Variants in NOA1 observed in about 807,000 individuals in gnomAD.
NOA1 encodes nitric oxide-associated protein 1.
NOA1 carries 35 observed loss-of-function variants against 58.4 expected under a neutral mutation model. The observed-to-expected ratio is 0.60, with a 90% CI of 0.46 to 0.79. The LOEUF is 0.79. Among genes scored for constraint, NOA1 ranks in the 30% least tolerant of loss-of-function variants. The pLI, the probability that NOA1 is intolerant of heterozygous loss-of-function variation, is 0.00. For synonymous variants in NOA1, 397 were observed against 373.4 expected (o/e 1.06, Z -0.73); for missense variants, 895 against 894.6 (o/e 1.00, Z -0.01).
Position 56,973,951 on chromosome 4 carries a change from T to C in NOA1, c.1216A>G (p.Arg406Gly), listed in dbSNP as rs374191085. The C allele has an allele frequency of 6.2e-7, 1 of 1,614,098 alleles. No individual in the cohort carries two copies. The highest frequency in any genetic ancestry group is 8.5e-7 in the Non-Finnish European group (1 of 1,179,934). The change falls in exon 2 of 7, where the codon AGA becomes GGA. Residue 406 changes from arginine (R) to glycine (G), a missense_variant. Transcript: ENST00000264230. ...GCTTGAGTTGAATCTTTTTTAAGTCTTTGATGCCTTTTAAACATTCTGTAA... is the reference window on the plus strand; with the variant it reads ...GCTTGAGTTGAATCTTTTTTAAGTCCTTGATGCCTTTTAAACATTCTGTAA... Reference protein sequence around the residue: ...TPYRMFKRHQRLKKDSTQAEE... With the variant: ...TPYRMFKRHQGLKKDSTQAEE...
At chr4:56,965,693 GGTGTGT>G (rs10548713) in intron 5 of NOA1, among the ~76,000 whole-genome samples, 9,428 of 149,064 alleles carry the variant, frequency 0.063, 330 homozygotes, top group Middle Eastern at 0.097. Flanking sequence ...TCCAAAGTAT[GGTGTGT>G]GTGTGTGTGT....
rs201910058 is a variant in NOA1, at chr4:56,963,538, C to A, written c.2009G>T (p.Arg670Leu). 5 of 1,613,978 alleles carry A rather than the reference C, an allele frequency of 3.1e-6. No individual in the cohort carries two copies. Among genetic ancestry groups the A allele is most frequent in the Non-Finnish European group, 4.2e-6 (5 of 1,179,990 alleles). Reference sequence around the variant, plus strand: ...TTTATAGGCCACACTTTTCTTGATGCGCTGTCCTTTGATGTTAACAATATA... The same window carrying A: ...TTTATAGGCCACACTTTTCTTGATGAGCTGTCCTTTGATGTTAACAATATA... ...LPYIVNIKGQRIKKSVAYKTK... is the reference protein window; with the variant it reads ...LPYIVNIKGQLIKKSVAYKTK... The change falls in exon 7 of 7, where the codon CGC (arginine) becomes CTC (leucine). Residue 670 changes from arginine to leucine, a missense_variant. By Grantham distance (102) the Arg-to-Leu change is moderately radical. Coordinates refer to ENST00000264230, the MANE Select transcript of NOA1 (RefSeq NM_032313.4).
In NOA1 at chr4:56,977,454, G is replaced by A. The variant is rs1721973825; in HGVS notation, c.132C>T (p.His44=). ...GAAGCTCGCGTCCCAGACTCGATGA[G>A]TGCTGGAAGGAGGAGGCGGCAGCGC... is the stretch of plus-strand genomic sequence containing the variant. The part of the protein sequence containing the change: ...RRCAAASSFQ[H]SSSLGRELPY... The change falls in exon 1 of 7, where the codon CAC becomes CAT. Residue 44 remains histidine (H), a synonymous_variant. Transcript: ENST00000264230. 9.3e-6 allele frequency: 15 copies of A among 1,614,174 alleles called. No homozygotes were observed. The highest frequency in any genetic ancestry group is 2.2e-5 in the East Asian group (1 of 44,888).
Position 56,963,362 on chromosome 4 carries a change from C to A in NOA1, c.*88G>T. The A allele has an allele frequency of 9.3e-7, 1 of 1,080,860 alleles. No homozygotes were observed. The highest frequency in any genetic ancestry group is 1.4e-6 in the Non-Finnish European group (1 of 730,254). The allele number at this position is 1,080,860 out of a possible 1,614,324, so 67.0% of individuals were successfully genotyped here. On this transcript the variant is annotated 3_prime_UTR_variant, in exon 7 of 7. Transcript: ENST00000264230. Reference sequence around the variant, plus strand: ...AAGAAAAAAAGGGTAAGAATGGGAGCTTTATTTATGCGTTATATGTTTAAT... The same window carrying A: ...AAGAAAAAAAGGGTAAGAATGGGAGATTTATTTATGCGTTATATGTTTAAT...
At position 56,977,523 on chromosome 4, in the gene NOA1, C is replaced by T. The variant is rs1721976881; in HGVS notation, c.63G>A (p.Thr21=). The change falls in exon 1 of 7, where the codon ACG becomes ACA. Residue 21 remains threonine (T), a synonymous_variant. Transcript: ENST00000264230. ...LSLFLRGSAP[T]AARHGLREPL... is the part of the protein sequence containing the mutation. ...GCTCCCGGAGGCCATGGCGCGCTGC[C>T]GTGGGAGCGGATCCACGAAGGAAAA... 3.1e-6 allele frequency: 5 copies of T among 1,612,796 alleles called. No homozygotes were observed. Among genetic ancestry groups the T allele is most frequent in the Middle Eastern group, 3.3e-4 (2 of 6,080 alleles).
In NOA1 at chr4:56,977,052, C is replaced by A; in HGVS notation, c.534G>T (p.Val178=). 1 of 1,583,514 alleles carries A rather than the reference C, an allele frequency of 6.3e-7. No individual in the cohort carries two copies. Among genetic ancestry groups the A allele is most frequent in the Non-Finnish European group, 8.5e-7 (1 of 1,170,254 alleles). ...AEADGGLART[V]CQRCWLLSHH... is the part of the protein sequence containing the mutation. ...GCGACAGCAGCCAGCAGCGCTGGCA[C>A]ACGGTCCGTGCCAGCCCGCCGTCTG... The change falls in exon 1 of 7, where the codon GTG becomes GTT. Residue 178 remains valine (V), a synonymous_variant. Transcript: ENST00000264230.
chr4:56,966,276 T>G (rs1185329034), intron 5 of NOA1, among the ~76,000 whole-genome samples: 1 of 152,096 alleles, frequency 6.6e-6, no homozygotes, highest in Non-Finnish European at 1.5e-5. Flanking sequence ...CCATCTGCCT[T>G]GGCCTCCCAA....
At chr4:56,973,406 C>A in intron 2 of NOA1, 53 bp from the exon 3 acceptor site, 1 of 1,403,786 alleles carries the variant, frequency 7.1e-7, no homozygotes, top group Admixed American at 1.7e-5. Context: ...CTTTTAACTC[C>A]AGACATAATT....
chr4:56,976,911 G>T lies in NOA1; in HGVS notation c.675C>A (p.Asp225Glu). ...SLVLYMVDLL[D>E]LPDALLPDLP... ...AGTCGGGCAGCAGGGCGTCGGGCAGGTCCAGCAGGTCCACCATGTAGAGCA... is the reference window on the plus strand; with the variant it reads ...AGTCGGGCAGCAGGGCGTCGGGCAGTTCCAGCAGGTCCACCATGTAGAGCA... Residue 225 changes from aspartate (D) to glutamate (E), a missense_variant, in exon 1 of 7, where the codon GAC becomes GAA. By Grantham distance (45) the Asp-to-Glu change is conservative (BLOSUM62 2). Transcript: ENST00000264230. 4.3e-6 allele frequency: 7 copies of T among 1,611,706 alleles called. No individual in the cohort carries two copies. Among genetic ancestry groups the T allele is most frequent in the Non-Finnish European group, 5.9e-6 (7 of 1,179,790 alleles).
At chr4:56,964,050 AAGGCT>A (rs1721654891) in intron 6 of NOA1, among the ~76,000 whole-genome samples, 1 of 151,896 alleles carries the variant, frequency 6.6e-6, no homozygotes, top group African/African-American at 2.4e-5. Context: ...AATTGTCGGT[AAGGCT>A]GCTTTATTCA....
rs926744913 is a variant in NOA1 at position 56,973,944 on chromosome 4, T to C, written c.1223A>G (p.Lys408Arg). Residue 408 changes from lysine to arginine, a missense_variant, in exon 2 of 7, where the codon AAA becomes AGA. By Grantham distance (26) the Lys-to-Arg change is conservative. Transcript: ENST00000264230. ...TTCTTCAGCTTGAGTTGAATCTTTTTTAAGTCTTTGATGCCTTTTAAACAT... is the reference window on the plus strand; with the variant it reads ...TTCTTCAGCTTGAGTTGAATCTTTTCTAAGTCTTTGATGCCTTTTAAACAT... ...YRMFKRHQRL[K>R]KDSTQAEEDL... 8.1e-6 allele frequency: 13 copies of C among 1,614,056 alleles called. No homozygotes were observed. The highest frequency in any genetic ancestry group is 3.4e-6 in the Non-Finnish European group (4 of 1,180,014).
intron 3 of NOA1, among the ~76,000 whole-genome samples, chr4:56,970,714 G>A (rs1407730939): frequency 6.6e-6 from 1 of 151,772 alleles, no homozygotes; most frequent in Non-Finnish European, 1.5e-5. Flanking sequence ...CTCCCACCTC[G>A]GCCTCCCAAA....
At position 56,976,983 on chromosome 4, in the gene NOA1, G is replaced by A. The variant is rs1457577844; in HGVS notation, c.603C>T (p.Tyr201=). The stretch of plus-strand genomic sequence containing the variant: ...GCAACGCGGCGCTCACCAGCTCCAG[G>A]TACTGCTCGCGGCTCACCTGCAGGC... ...ALRLQVSREQ[Y]LELVSAALRR... is the part of the protein sequence containing the mutation. The change falls in exon 1 of 7, where the codon TAC becomes TAT. Residue 201 remains tyrosine (Y), a synonymous_variant. Transcript: ENST00000264230. 1.3e-6 allele frequency: 2 copies of A among 1,596,702 alleles called. No individual in the cohort carries two copies. Among genetic ancestry groups the A allele is most frequent in the Non-Finnish European group, 1.7e-6 (2 of 1,175,528 alleles).
intron 4 of NOA1, among the ~76,000 whole-genome samples, chr4:56,967,551 G>A (rs55734441): frequency 0.077 from 11,754 of 152,154 alleles, 517 homozygotes; most frequent in African/African-American, 0.096. Context: ...GCACACAGTT[G>A]TATTGTGTTG....
chr4:56,976,921 T>G lies in NOA1; in HGVS notation c.665A>C (p.Asp222Ala), dbSNP rs1721942935. Reference protein sequence around the residue: ...PGPSLVLYMVDLLDLPDALLP... With the variant: ...PGPSLVLYMVALLDLPDALLP... ...CAGGGCGTCGGGCAGGTCCAGCAGG[T>G]CCACCATGTAGAGCACCAGGGAGGG... is the stretch of plus-strand genomic sequence containing the variant. Residue 222 changes from aspartate to alanine, a missense_variant, in exon 1 of 7, where the codon GAC (aspartate) becomes GCC (alanine). Asp to Ala is a moderately radical substitution (Grantham distance 126). This residue lies in a region of NOA1 where 680 missense variants were observed against 656.5 expected (regional missense o/e 1.04). Transcript: ENST00000264230. The G allele has an allele frequency of 6.2e-7, 1 of 1,611,078 alleles. No individual in the cohort carries two copies. The highest frequency in any genetic ancestry group is 2.2e-5 in the East Asian group (1 of 44,854).
chr4:56,963,612 G>A lies in NOA1; in HGVS notation c.1935C>T (p.Gly645=), dbSNP rs780311137. 1 of 1,614,066 alleles carries A rather than the reference G, an allele frequency of 6.2e-7. No individual in the cohort carries two copies. The highest frequency in any genetic ancestry group is 2.2e-5 in the East Asian group (1 of 44,874). The change falls in exon 7 of 7, where the codon GGC becomes GGT. Residue 645 remains glycine, a synonymous_variant. Transcript: ENST00000264230. ...PNFKDRLHLR[G]YTPEGTVLTV... ...TCAAAACTGTTCCTTCAGGTGTATA[G>A]CCTCGGAGATGCAGTCTGTCCTTAA...
At chr4:56,965,620 C>T (rs184008963) in intron 5 of NOA1, among the ~76,000 whole-genome samples, 7 of 150,376 alleles carry the variant, frequency 4.7e-5, no homozygotes, top group African/African-American at 1.5e-4. Flanking sequence ...TATTTTCGGT[C>T]GCCACAGGTA....
Position 56,963,489 on chromosome 4 carries a change from C to A in NOA1, c.2058G>T (p.Met686Ile). Reference protein sequence around the residue: ...AYKTKKPPSLMYNVRKKKGKI... With the variant: ...AYKTKKPPSLIYNVRKKKGKI... ...TTCCTTTCTTCTTCCTCACGTTGTACATAAGGGAAGGAGGCTTCTTGGTTT... is the reference window on the plus strand; with the variant it reads ...TTCCTTTCTTCTTCCTCACGTTGTAAATAAGGGAAGGAGGCTTCTTGGTTT... Residue 686 changes from methionine (M) to isoleucine (I), a missense_variant, in exon 7 of 7, where the codon ATG (methionine) becomes ATT (isoleucine). Coordinates refer to ENST00000264230, the MANE Select transcript of NOA1 (RefSeq NM_032313.4). 1.2e-6 allele frequency: 2 copies of A among 1,614,048 alleles called. No individual in the cohort carries two copies. The highest frequency in any genetic ancestry group is 2.2e-5 in the South Asian group (2 of 91,078).
At chr4:56,972,454 G>A (rs1302705348) in intron 3 of NOA1, among the ~76,000 whole-genome samples, 1 of 152,196 alleles carries the variant, frequency 6.6e-6, no homozygotes, top group Non-Finnish European at 1.5e-5. Context: ...TATTTGTCTG[G>A]CAAGGGAAAT....
Sources: allele counts gnomAD v4.1 joint callset (sites outside exome capture counted in the v4.1 genomes callset), GRCh38; gene constraint gnomAD v4.1.1; regional missense constraint gnomAD v4.1.1; transcripts MANE v1.5; gene names NCBI Gene and HGNC (gene_info 2026-07-23, HGNC 2026-07-21).